UACA: variants seen among roughly 807,000 people sequenced by gnomAD.
The protein encoded by UACA is nuclear membrane binding protein.
UACA carries 112 observed loss-of-function variants against 160.5 expected under a neutral mutation model. That is an observed-to-expected ratio of 0.70 (90% CI 0.60 to 0.82). UACA has a LOEUF of 0.82. UACA is among the 40% of genes least tolerant of loss of function. The pLI, the probability that UACA is intolerant of heterozygous loss-of-function variation, is 0.00. For missense variants in UACA, 1,574 were observed against 1,614.6 expected (o/e 0.97, Z 0.43); for synonymous variants, 557 against 568.4 (o/e 0.98, Z 0.29).
intron 1 of UACA, among the ~76,000 whole-genome samples, chr15:70,716,573 G>A (rs1247416004): frequency 6.6e-6 from 1 of 152,154 alleles, no homozygotes; most frequent in Non-Finnish European, 1.5e-5. Context: ...ACCTCTTGTA[G>A]TCTAATTCAA....
chr15:70,774,545 C>CAAAAAGAAAAAAAAAAAAAAAAAA, the UACA span, among the ~76,000 whole-genome samples: 1 of 82,456 alleles, frequency 1.2e-5, no homozygotes, highest in Non-Finnish European at 2.3e-5. Context: ...GACTCTGTCT[C>CAAAAAGAAAAAAAAAAAAAAAAAA]AAAAAAAAAA....
chr15:70,764,185 T>TATTGGAAGC (rs1160984221), upstream of UACA, among the ~76,000 whole-genome samples: 2 of 152,038 alleles, frequency 1.3e-5, no homozygotes, highest in African/African-American at 2.4e-5. Context: ...GAATCCGCCG[T>TATTGGAAGC]ATTGGAAGCA....
intron 17 of UACA, among the ~76,000 whole-genome samples, chr15:70,663,276 C>T (rs1369667003): frequency 6.6e-6 from 1 of 152,112 alleles, no homozygotes; most frequent in Non-Finnish European, 1.5e-5. Flanking sequence ...CATCACTGGC[C>T]GTCAGAGAAA....
intron 2 of UACA, among the ~76,000 whole-genome samples, chr15:70,696,519 G>A (rs993873505): frequency 7.9e-5 from 12 of 152,134 alleles, no homozygotes; most frequent in African/African-American, 2.2e-4. Context: ...TTAGTATTAC[G>A]ATGGATATAA....
At chr15:70,709,871 G>C (rs1453028444) in intron 1 of UACA, among the ~76,000 whole-genome samples, 1 of 152,162 alleles carries the variant, frequency 6.6e-6, no homozygotes, top group Non-Finnish European at 1.5e-5. Context: ...ATTTATATAG[G>C]ATGATAGCAA....
intron 1 of UACA, among the ~76,000 whole-genome samples, chr15:70,739,751 A>G (rs1325424699): frequency 1.3e-5 from 2 of 152,252 alleles, no homozygotes; most frequent in African/African-American, 4.8e-5. Flanking sequence ...AACTAAATTA[A>G]TACTACTGGC....
At chr15:70,726,556 T>C (rs1163857594) in intron 1 of UACA, among the ~76,000 whole-genome samples, 1 of 152,128 alleles carries the variant, frequency 6.6e-6, no homozygotes, top group Non-Finnish European at 1.5e-5. Flanking sequence ...TCTTCTGAAA[T>C]AGAAATAAGA....
chr15:70,668,115 T>C lies in UACA; in HGVS notation c.2569A>G (p.Asn857Asp), dbSNP rs750233015. ...TGGGTTTTAACTGGCACATACTGAT[T>C]ACTCATCATCTTCTTCAAGTTAGTG... ...ENTNLKKMMS[N>D]QYVPVKTHEE... Residue 857 changes from asparagine to aspartate, a missense_variant, in exon 16 of 19, where the codon AAT becomes GAT. Physicochemically the swap from Asn to Asp is conservative, Grantham distance 23. Coordinates refer to ENST00000322954, the MANE Select transcript of UACA (RefSeq NM_018003.4). The C allele has an allele frequency of 3.7e-6, 6 of 1,613,646 alleles. No individual in the cohort carries two copies. In the African/African-American group the frequency reaches 4.0e-5, roughly 11 times the overall value.
chr15:70,745,208 G>A (rs1899665617), intron 1 of UACA, among the ~76,000 whole-genome samples: 2 of 152,018 alleles, frequency 1.3e-5, no homozygotes, highest in African/African-American at 4.8e-5. Context: ...GAGGCAGGCG[G>A]ACCATGAGGT....
intron 11 of UACA, among the ~76,000 whole-genome samples, chr15:70,677,500 TAA>T (rs1897335827): frequency 1.3e-5 from 2 of 152,190 alleles, no homozygotes; most frequent in Non-Finnish European, 2.9e-5. Flanking sequence ...AGCAAGATAT[TAA>T]AGTGATACGG....
chr15:70,747,242 T>G (rs927731288), intron 1 of UACA, among the ~76,000 whole-genome samples: 13 of 82,456 alleles, frequency 1.6e-4, no homozygotes, highest in Admixed American at 8.2e-4. Flanking sequence ...GTTTTTTGGG[T>G]TTTTTTTTTT....
chr15:70,673,061 A>C (rs1046730012), intron 13 of UACA, among the ~76,000 whole-genome samples: 6 of 152,154 alleles, frequency 3.9e-5, no homozygotes, highest in Non-Finnish European at 8.8e-5. Flanking sequence ...GTGCCATTGC[A>C]CTCCAGCCTG....
At chr15:70,700,318 T>TATATATATATATATATATACAC (rs565377949) in intron 1 of UACA, among the ~76,000 whole-genome samples, 1 of 139,762 alleles carries the variant, frequency 7.2e-6, no homozygotes, top group African/African-American at 2.9e-5. Flanking sequence ...TATATATATA[T>TATATATATATATATATATACAC]ACACACACAC....
intron 1 of UACA, among the ~76,000 whole-genome samples, chr15:70,701,260 G>T (rs1043891586): frequency 2.6e-5 from 4 of 151,996 alleles, no homozygotes; most frequent in Admixed American, 2.6e-4. Context: ...CCTACCTATG[G>T]GCTCCAAGTC....
intron 1 of UACA, among the ~76,000 whole-genome samples, chr15:70,750,194 C>T (rs2029957577): frequency 6.6e-6 from 1 of 152,174 alleles, no homozygotes; most frequent in Non-Finnish European, 1.5e-5. Flanking sequence ...AGCTTCATAA[C>T]CAATCCACCT....
At chr15:70,743,963 G>A (rs572679036) in intron 1 of UACA, among the ~76,000 whole-genome samples, 13 of 152,140 alleles carry the variant, frequency 8.5e-5, no homozygotes, top group South Asian at 6.2e-4. Context: ...AAACTAGGAC[G>A]GCAGGGCACG....
At chr15:70,761,007 T>G (rs1251175993) in intron 1 of UACA, among the ~76,000 whole-genome samples, 1 of 152,158 alleles carries the variant, frequency 6.6e-6, no homozygotes, top group African/African-American at 2.4e-5. Context: ...AACCCAGCAA[T>G]TCACTTTTAG....
rs560299180 is a variant in UACA, at chr15:70,694,821, A to G, written c.301+196T>C. ...GTCTCCAACTGCTCGTCAGTAAAGC[A>G]ATCCTTTCTCCTAAATTCCCTATAC... On this transcript the variant is annotated intron_variant, in intron 3 of 18. Transcript: ENST00000322954. Among the ~76,000 whole-genome samples the G allele has an allele frequency of 2.6e-5, 4 of 152,228 alleles. No individual in the cohort carries two copies. In the East Asian group the frequency reaches 7.7e-4, roughly 29 times the overall value.
rs2030912233 is a variant in UACA, at chr15:70,763,540, CCGGGCAG to C, written c.-140_-134del. The C allele has an allele frequency of 8.0e-7, 1 of 1,245,332 alleles. No homozygotes were observed. Among genetic ancestry groups the C allele is most frequent in the Admixed American group, 4.2e-5 (1 of 23,636 alleles). 77.1% of individuals were successfully genotyped at this position (1,245,332 alleles called of 1,614,324 possible). The stretch of plus-strand genomic sequence containing the variant: ...CCCACCTGCCTGCCACCTGCGGGCC[CCGGGCAG>C]CAGACGTCGACAGGCCTGAGGCGGG... On this transcript the variant is annotated 5_prime_UTR_variant, in exon 1 of 19. Transcript: ENST00000322954.
Sources: allele counts gnomAD v4.1 joint callset (sites outside exome capture counted in the v4.1 genomes callset), GRCh38; gene constraint gnomAD v4.1.1; transcripts MANE v1.5; gene names NCBI Gene and HGNC (gene_info 2026-07-23, HGNC 2026-07-21).